The following FRMD4B variants were observed in gnomAD, a reference collection of about 807,000 sequenced individuals.
FRMD4B encodes FERM domain containing 4B.
In FRMD4B, 74 loss-of-function variants were observed where a neutral mutation model predicts 141.5. That is an observed-to-expected ratio of 0.52 (90% CI 0.43 to 0.63). FRMD4B has a LOEUF of 0.63. FRMD4B is among the 30% of genes least tolerant of loss of function. FRMD4B has a pLI of 0.00. For synonymous variants in FRMD4B, 506 were observed against 467.9 expected (o/e 1.08, Z -1.05); for missense variants, 1,366 against 1,253.4 (o/e 1.09, Z -1.36).
rs2092566028 is a variant in FRMD4B at position 69,169,639 on chromosome 3, G to T, written c.*2222C>A. Among the ~76,000 whole-genome samples, 1 of 152,054 alleles carries T rather than the reference G, an allele frequency of 6.6e-6. No individual in the cohort carries two copies. The highest frequency in any genetic ancestry group is 2.4e-5 in the African/African-American group (1 of 41,406). ...CCCAAAGTGCTGGGATTACAGGTGT[G>T]AGCCGCTATGCCTGGCCCTGAGCTT... is the stretch of plus-strand genomic sequence containing the variant. On this transcript the variant is annotated 3_prime_UTR_variant, in exon 23 of 23. Transcript: ENST00000398540.
chr3:69,471,668 T>C (rs1705894523), intron 1 of FRMD4B: 1 of 175,216 alleles, frequency 5.7e-6, no homozygotes, highest in Non-Finnish European at 1.3e-5. Context: ...ATGAAGAGCA[T>C]GTGACCATTC....
chr3:69,499,036 A>G (rs1036379221), intron 1 of FRMD4B, among the ~76,000 whole-genome samples: 2 of 152,244 alleles, frequency 1.3e-5, no homozygotes, highest in Non-Finnish European at 2.9e-5. Context: ...ACTTGTTAAT[A>G]AAAGTCCTTT....
chr3:69,435,544 T>C lies in FRMD4B; in HGVS notation c.-128-2783A>G, dbSNP rs146611891. On this transcript the variant is annotated intron_variant, in intron 1 of 5. Coordinates refer to the FRMD4B transcript ENST00000459638. ...TGATTGTCTATGGCTGTTAGCGAGCTACAACTGCAGAGTTGAATAGTTGTA... is the reference window on the plus strand; with the variant it reads ...TGATTGTCTATGGCTGTTAGCGAGCCACAACTGCAGAGTTGAATAGTTGTA... 3.3e-4 allele frequency among the ~76,000 whole-genome samples: 51 copies of C among 152,330 alleles called. No homozygotes were observed. The East Asian group carries it at 7.5e-3, about 22-fold the overall frequency.
intron 1 of FRMD4B, among the ~76,000 whole-genome samples, chr3:69,468,614 C>T (rs898998729): frequency 6.6e-6 from 1 of 152,132 alleles, no homozygotes; most frequent in African/African-American, 2.4e-5. Context: ...TCTTAAGGAG[C>T]AGCCACAAAA....
chr3:69,261,817 C>T (rs369225978), intron 5 of FRMD4B, among the ~76,000 whole-genome samples: 334 of 152,200 alleles, frequency 2.2e-3, no homozygotes, highest in African/African-American at 7.7e-3. Flanking sequence ...GGAATACAGG[C>T]GTGTGCCACC....
chr3:69,386,128 C>T, upstream of FRMD4B: 1 of 780,584 alleles, frequency 1.3e-6, no homozygotes, highest in Middle Eastern at 3.8e-4. Context: ...ACTCGTCTTT[C>T]ACCGTGCGTC....
chr3:69,540,818 G>A (rs2107181897), intron 1 of FRMD4B, among the ~76,000 whole-genome samples: 1 of 151,656 alleles, frequency 6.6e-6, no homozygotes, highest in African/African-American at 2.4e-5. Context: ...ATAAACCACA[G>A]ATTACTGGTG....
At chr3:69,204,588 A>G (rs1435673512) in intron 11 of FRMD4B, among the ~76,000 whole-genome samples, 2 of 152,216 alleles carry the variant, frequency 1.3e-5, no homozygotes, top group Non-Finnish European at 1.5e-5. Flanking sequence ...CACATGATAC[A>G]TATACTGTTA....
At chr3:69,511,450 C>T (rs1209979358) in intron 1 of FRMD4B, among the ~76,000 whole-genome samples, 1 of 152,072 alleles carries the variant, frequency 6.6e-6, no homozygotes, top group Non-Finnish European at 1.5e-5. Context: ...AAGAAGAATA[C>T]CATGCCTATA....
In FRMD4B at chr3:69,203,416, A is replaced by G. The variant is rs1447454941; in HGVS notation, c.877-4642T>C. ...AGGAGACATGGTCCTTATATTTCAG[A>G]TATGTATTTCAGTAGCTTTGAGAGT... On this transcript the variant is annotated intron_variant, in intron 11 of 22. Transcript: ENST00000398540. Among the ~76,000 whole-genome samples, 7 of 152,020 alleles carry G rather than the reference A, an allele frequency of 4.6e-5. No individual in the cohort carries two copies. In the East Asian group the frequency reaches 1.4e-3, roughly 29 times the overall value.
At chr3:69,375,076 C>T (rs984902850) in intron 1 of FRMD4B, among the ~76,000 whole-genome samples, 1 of 139,356 alleles carries the variant, frequency 7.2e-6, no homozygotes, top group Non-Finnish European at 1.5e-5. Flanking sequence ...AAGCATCCAT[C>T]CAACCAAACA....
In FRMD4B at chr3:69,171,199, T is replaced by C. The variant is rs2092583433; in HGVS notation, c.*662A>G. 1 of 152,210 alleles carries C rather than the reference T, an allele frequency of 6.6e-6. No homozygotes were observed. Among genetic ancestry groups the C allele is most frequent in the African/African-American group, 2.4e-5 (1 of 41,448 alleles). 9.4% of individuals were successfully genotyped at this position (152,210 alleles called of 1,614,324 possible). A position where few individuals can be genotyped will look rare whatever the true frequency, so the allele number is the denominator to read the frequency against. ...TTTTCCCCAATCTGCTACCATAAGT[T>C]ATATTACAGGATGCTAAGGTAATCA... On this transcript the variant is annotated 3_prime_UTR_variant, in exon 23 of 23. Coordinates refer to ENST00000398540, the MANE Select transcript of FRMD4B (RefSeq NM_015123.3).
intron 1 of FRMD4B, among the ~76,000 whole-genome samples, chr3:69,367,669 T>C (rs1255698524): frequency 5.3e-5 from 8 of 152,222 alleles, no homozygotes; most frequent in Non-Finnish European, 1.0e-4. Flanking sequence ...CCATTCTCTC[T>C]CCTGATCTCA....
At chr3:69,480,092 C>G (rs1260295307) in intron 1 of FRMD4B, among the ~76,000 whole-genome samples, 1 of 152,302 alleles carries the variant, frequency 6.6e-6, no homozygotes, top group South Asian at 2.1e-4. Flanking sequence ...ATTGGTTATT[C>G]TAGTTATACA....
intron 1 of FRMD4B, among the ~76,000 whole-genome samples, chr3:69,524,399 A>G (rs1575600363): frequency 6.6e-6 from 1 of 152,352 alleles, no homozygotes; most frequent in East Asian, 1.9e-4. Context: ...TCCTGACTCC[A>G]ATCTCCAGTG....
chr3:69,453,122 T>G (rs1157086159), intron 1 of FRMD4B, among the ~76,000 whole-genome samples: 1 of 151,674 alleles, frequency 6.6e-6, no homozygotes, highest in Non-Finnish European at 1.5e-5. Flanking sequence ...GATGGGAGAG[T>G]TTATTGAAGA....
chr3:69,314,878 G>A lies in FRMD4B; in HGVS notation c.163-1361C>T, dbSNP rs572275714. 9.2e-5 allele frequency among the ~76,000 whole-genome samples: 14 copies of A among 151,986 alleles called. No individual in the cohort carries two copies. The East Asian group carries it at 1.6e-3, about 17-fold the overall frequency. On this transcript the variant is annotated intron_variant, in intron 1 of 22. Coordinates refer to ENST00000398540, the MANE Select transcript of FRMD4B (RefSeq NM_015123.3). ...GTATTTATTCATTGGTGTGTTTAACGTCTCTCTGGGCATGGTGGCATGCAC... is the reference window on the plus strand; with the variant it reads ...GTATTTATTCATTGGTGTGTTTAACATCTCTCTGGGCATGGTGGCATGCAC...
At chr3:69,472,326 A>T (rs1012837429) in intron 1 of FRMD4B, 1 of 469,924 alleles carries the variant, frequency 2.1e-6, no homozygotes, top group African/African-American at 2.0e-5. Flanking sequence ...CATATTACAG[A>T]TGCAACTCCC....
chr3:69,234,924 G>A (rs1008591305), intron 7 of FRMD4B, among the ~76,000 whole-genome samples: 11 of 151,840 alleles, frequency 7.2e-5, no homozygotes, highest in African/African-American at 1.2e-4. Flanking sequence ...TGAGGCGGGC[G>A]GATCACTTGA....
Sources: gnomAD v4.1 joint callset for allele counts (sites outside exome capture counted in the v4.1 genomes callset) on GRCh38, gnomAD v4.1.1 for gene constraint, MANE v1.5 for transcripts, NCBI Gene and HGNC (gene_info 2026-07-23, HGNC 2026-07-21) for gene names.